Variants in BABAM2 observed in about 807,000 individuals in gnomAD.
The protein encoded by BABAM2 is BRISC and BRCA1 A complex member 2, also known as BRISC and BRCA1-A complex member 2.
BABAM2 carries 31 observed loss-of-function variants against 54.7 expected under a neutral mutation model. The observed-to-expected ratio is 0.57, with a 90% CI of 0.43 to 0.77. BABAM2 has a LOEUF of 0.77. Ranked by LOEUF, BABAM2 falls within the 30% of genes least tolerant of loss-of-function variation. The probability of loss-of-function intolerance (pLI) is 0.00; values close to 1 mark genes in which losing one functional copy is unlikely to be tolerated. For missense variants in BABAM2, 364 were observed against 455.8 expected, an observed-to-expected ratio of 0.80 and a Z score of 1.83; for synonymous variants, 167 against 162.9, an observed-to-expected ratio of 1.03 and a Z score of -0.19.
chr2:28,018,989 C>T (rs968412589), intron 4 of BABAM2, among the ~76,000 whole-genome samples: 9 of 152,032 alleles, frequency 5.9e-5, no homozygotes, highest in African/African-American at 1.7e-4. Flanking sequence ...TCCTAATGCT[C>T]TCCCTCCCCT....
chr2:28,156,125 C>A (rs1334314834), intron 7 of BABAM2, among the ~76,000 whole-genome samples: 1 of 151,940 alleles, frequency 6.6e-6, no homozygotes, highest in African/African-American at 2.4e-5. Context: ...TTTGTTTGCC[C>A]AGAGTTAAGA....
chr2:28,288,694 T>G (rs922873256), intron 10 of BABAM2, among the ~76,000 whole-genome samples: 2 of 152,220 alleles, frequency 1.3e-5, no homozygotes, highest in African/African-American at 4.8e-5. Flanking sequence ...TTATTGAATC[T>G]TTTCCTTTCT....
chr2:28,136,774 C>T (rs2147725868), intron 7 of BABAM2, among the ~76,000 whole-genome samples: 1 of 152,194 alleles, frequency 6.6e-6, no homozygotes, highest in East Asian at 1.9e-4. Context: ...CAAACATGGT[C>T]TCTTGGAATA....
chr2:27,972,773 C>CTTTT (rs11383917), intron 3 of BABAM2, among the ~76,000 whole-genome samples: 1 of 138,432 alleles, frequency 7.2e-6, no homozygotes, highest in African/African-American at 2.7e-5. Flanking sequence ...TAATTATTAG[C>CTTTT]TTTTTTTTTT....
At chr2:28,307,876 A>G (rs1315076819) in intron 11 of BABAM2, 3 of 152,202 alleles carry the variant, frequency 2.0e-5, no homozygotes, top group African/African-American at 7.2e-5. Context: ...TATCCAGCCT[A>G]TAGGCAGAGG....
intron 3 of BABAM2, among the ~76,000 whole-genome samples, chr2:27,963,267 C>T (rs910005945): frequency 1.3e-5 from 2 of 151,960 alleles, no homozygotes; most frequent in Non-Finnish European, 2.9e-5. Flanking sequence ...GTCAGGAGTT[C>T]GAGACCAGCC....
At chr2:28,015,189 A>G (rs2148541135) in intron 4 of BABAM2, among the ~76,000 whole-genome samples, 1 of 152,278 alleles carries the variant, frequency 6.6e-6, no homozygotes, top group Middle Eastern at 3.4e-3. Context: ...TGCTGTGTCC[A>G]CAAAACAGAT....
intron 6 of BABAM2, among the ~76,000 whole-genome samples, chr2:28,100,927 G>A (rs1323245448): frequency 6.6e-6 from 1 of 152,190 alleles, no homozygotes; most frequent in Non-Finnish European, 1.5e-5. Flanking sequence ...TGTACAGACA[G>A]GCAAGGATTT....
intron 6 of BABAM2, among the ~76,000 whole-genome samples, chr2:28,088,525 C>G (rs1444527544): frequency 6.6e-6 from 1 of 152,146 alleles, no homozygotes; most frequent in Non-Finnish European, 1.5e-5. Flanking sequence ...ATTCTGTTCT[C>G]CCAGGTGAGG....
At chr2:28,091,971 T>C (rs1666193136) in intron 6 of BABAM2, among the ~76,000 whole-genome samples, 1 of 152,160 alleles carries the variant, frequency 6.6e-6, no homozygotes, top group South Asian at 2.1e-4. Context: ...ATAGTTGTTA[T>C]GAGGTAAGAA....
chr2:28,131,020 C>A (rs1191455595), intron 7 of BABAM2, among the ~76,000 whole-genome samples: 1 of 151,358 alleles, frequency 6.6e-6, no homozygotes, highest in Admixed American at 6.6e-5. Flanking sequence ...GGATTACAGG[C>A]ATGAGCCACA....
chr2:28,099,356 C>T (rs1204043872), intron 6 of BABAM2, among the ~76,000 whole-genome samples: 2 of 152,078 alleles, frequency 1.3e-5, no homozygotes, highest in African/African-American at 4.8e-5. Flanking sequence ...CACCCCGAGG[C>T]CTCTTGGGGA....
At chr2:28,015,980 C>G (rs781235663) in intron 4 of BABAM2, 2 of 589,878 alleles carry the variant, frequency 3.4e-6, no homozygotes, top group Non-Finnish European at 6.2e-6. Flanking sequence ...ATGTCCTTTT[C>G]TTTCTCAGTT....
rs1491230587 is a variant in BABAM2, at chr2:28,013,694, T to TAGACACAC, written c.301-11531_301-11530insGACACACA. 3.8e-5 allele frequency among the ~76,000 whole-genome samples: 4 copies of TAGACACAC among 105,996 alleles called. No homozygotes were observed. In the South Asian group the frequency reaches 1.5e-3, roughly 40 times the overall value. The allele number at this position is 105,996 out of a possible 152,430, so 69.5% of individuals were successfully genotyped here. On this transcript the variant is annotated intron_variant, in intron 4 of 11. Coordinates refer to ENST00000379624, the MANE Select transcript of BABAM2 (RefSeq NM_199191.3). The stretch of plus-strand genomic sequence containing the variant: ...AAAAAAAAAAAAAAAAAAAAGCTCT[T>TAGACACAC]ACACACACACACACACACACACACA...
chr2:28,279,510 A>G (rs1686160528), intron 10 of BABAM2, among the ~76,000 whole-genome samples: 1 of 152,074 alleles, frequency 6.6e-6, no homozygotes, highest in African/African-American at 2.4e-5. Context: ...TTCTCATACT[A>G]TATTGGGATT....
In BABAM2 at chr2:28,052,447, C is replaced by A. The variant is rs558703059; in HGVS notation, c.570+6648C>A. On this transcript the variant is annotated intron_variant, in intron 6 of 11. Transcript: ENST00000379624. ...GGATTACAGGCATGTGCCACCATGC[C>A]TGGCTAATTTTTGTATTTTTAGTAG... Among the ~76,000 whole-genome samples the A allele has an allele frequency of 1.2e-4, 18 of 152,022 alleles. No homozygotes were observed. In the South Asian group the frequency reaches 3.5e-3, roughly 30 times the overall value.
At chr2:28,027,309 G>A (rs764988533) in intron 5 of BABAM2, among the ~76,000 whole-genome samples, 9 of 152,120 alleles carry the variant, frequency 5.9e-5, no homozygotes, top group Admixed American at 2.6e-4. Context: ...CCCAGTAGCC[G>A]TTTTGAGGTA....
intron 2 of BABAM2, among the ~76,000 whole-genome samples, chr2:27,906,966 A>T (rs1464919024): frequency 6.6e-6 from 1 of 152,172 alleles, no homozygotes; most frequent in Non-Finnish European, 1.5e-5. Flanking sequence ...GTACAGGTTA[A>T]TATGCATATA....
rs541012547 is a variant in BABAM2, at chr2:28,281,807, A to G, written c.935-16531A>G. ...TTCAGCGTTCTTGTCTGTGAATGGG[A>G]TGGTATGCCCATCTTGAAGACACAA... On this transcript the variant is annotated intron_variant, in intron 10 of 11. Coordinates refer to ENST00000379624, the MANE Select transcript of BABAM2 (RefSeq NM_199191.3). 8.5e-5 allele frequency among the ~76,000 whole-genome samples: 13 copies of G among 152,342 alleles called. No homozygotes were observed. In the South Asian group the frequency reaches 1.4e-3, roughly 17 times the overall value.
Sources: allele counts gnomAD v4.1 joint callset (sites outside exome capture counted in the v4.1 genomes callset), GRCh38; gene constraint gnomAD v4.1.1; transcripts MANE v1.5; gene names NCBI Gene and HGNC (gene_info 2026-07-23, HGNC 2026-07-21).